GGA1: variants seen among roughly 807,000 people sequenced by gnomAD.
GGA1 encodes the protein ADP-ribosylation factor-binding protein GGA1.
GGA1 carries 18 observed loss-of-function variants against 76.9 expected under a neutral mutation model. That is an observed-to-expected ratio of 0.23 (90% CI 0.16 to 0.35). GGA1 has a LOEUF of 0.35. Among genes scored for constraint, GGA1 ranks in the 10% least tolerant of loss-of-function variants. The pLI is 1.00. For missense variants in GGA1, 755 were observed against 859.0 expected (o/e 0.88, Z 1.51); for synonymous variants, 342 against 354.7 (o/e 0.96, Z 0.40).
chr22:37,630,607 C>G (rs1480650435), intron 13 of GGA1: 1 of 479,114 alleles, frequency 2.1e-6, no homozygotes, highest in Non-Finnish European at 3.7e-6. Context: ...CACCCTGTCA[C>G]CCAGGCTGGA....
Position 37,623,318 on chromosome 22 carries a change from TG to T in GGA1, c.610-8del. 6.2e-7 allele frequency: 1 copy of T among 1,613,892 alleles called. No individual in the cohort carries two copies. Among genetic ancestry groups the T allele is most frequent in the Non-Finnish European group, 8.5e-7 (1 of 1,179,840 alleles). ...GGTTCTCAGGGGCCCTTGGCCAATG[TG>T]TCCCCAGGACCAGAAGCGGATGGAG... On this transcript the variant is annotated splice_region_variant and splice_polypyrimidine_tract_variant and intron_variant, in intron 7 of 16. Transcript: ENST00000343632. This position sits in a 1 kb window ranked among gnomAD's most constrained non-coding sequence, Gnocchi z 4.6.
At position 37,632,601 on chromosome 22, in the gene GGA1, G is replaced by A; in HGVS notation, c.1810G>A (p.Glu604Lys). ...QVLLLANPQKEKVRLRYKLTF... is the reference protein window; with the variant it reads ...QVLLLANPQKKKVRLRYKLTF... ...TCTGCCTTTGCCATCTCTTCCCCAG[G>A]AGAAGGTTCGCCTCCGCTACAAGCT... The change falls in exon 17 of 17, where the codon GAG becomes AAG. Residue 604 changes from glutamate (E) to lysine (K), a missense_variant and splice_region_variant. Glu to Lys is a moderately conservative substitution (Grantham distance 56). Transcript: ENST00000343632. The surrounding 1 kb of genome is among the most constrained non-coding windows in gnomAD (Gnocchi z 5.1). 6.2e-7 allele frequency: 1 copy of A among 1,610,296 alleles called. No homozygotes were observed. The highest frequency in any genetic ancestry group is 8.5e-7 in the Non-Finnish European group (1 of 1,176,644).
chr22:37,619,656 G>A (rs565465428), intron 4 of GGA1: 12 of 598,808 alleles, frequency 2.0e-5, no homozygotes, highest in South Asian at 1.0e-4. Flanking sequence ...GATTACAGGC[G>A]TGAGCCATGG....
rs1931541856 is a variant in GGA1 at position 37,630,140 on chromosome 22, C to T, written c.1301C>T (p.Ser434Leu). The T allele has an allele frequency of 1.9e-6, 3 of 1,595,778 alleles. No individual in the cohort carries two copies. In the South Asian group the frequency reaches 3.4e-5, roughly 18 times the overall value. Residue 434 changes from serine (S) to leucine (L), a missense_variant, in exon 13 of 17, where the codon TCG (serine) becomes TTG (leucine). Physicochemically the swap from Ser to Leu is moderately radical, Grantham distance 145 (BLOSUM62 -2). Coordinates refer to ENST00000343632, the MANE Select transcript of GGA1 (RefSeq NM_013365.5). Reference sequence around the variant, plus strand: ...CTGGGGAAGACCCTCCTGCAGCAGTCGCTGCCCCCGGAATCCCAGCAAGTG... The same window carrying T: ...CTGGGGAAGACCCTCCTGCAGCAGTTGCTGCCCCCGGAATCCCAGCAAGTG... The part of the protein sequence containing the change: ...DLLGKTLLQQ[S>L]LPPESQQVRW...
intron 1 of GGA1, among the ~76,000 whole-genome samples, chr22:37,611,377 C>T (rs564713547): frequency 6.6e-6 from 1 of 152,206 alleles, no homozygotes; most frequent in South Asian, 2.1e-4. Context: ...CAGAGAGCAG[C>T]CCCCACCTCC....
rs1211723534 is a variant in GGA1, at chr22:37,616,812, C to T, written c.129-110C>T. 3.0e-5 allele frequency: 41 copies of T among 1,359,978 alleles called. No homozygotes were observed. In the East Asian group the frequency reaches 9.1e-4, roughly 30 times the overall value. The allele number at this position is 1,359,978 out of a possible 1,614,324, so 84.2% of individuals were successfully genotyped here. ...CTGGGGTGGTGACCCTCCCCTAGGGCGACCAGGGCCCCTTGGAGGAGGGCT... is the reference window on the plus strand; with the variant it reads ...CTGGGGTGGTGACCCTCCCCTAGGGTGACCAGGGCCCCTTGGAGGAGGGCT... On this transcript the variant is annotated intron_variant, in intron 2 of 16. Coordinates refer to ENST00000343632, the MANE Select transcript of GGA1 (RefSeq NM_013365.5).
intron 11 of GGA1, chr22:37,626,223 A>G (rs1009406601): frequency 3.0e-6 from 1 of 335,190 alleles, no homozygotes; most frequent in Non-Finnish European, 5.4e-6. Flanking sequence ...CCTGGGGGGA[A>G]ACCAGGGGAT....
rs772453349 is a variant in GGA1 at position 37,629,990 on chromosome 22, C to T, written c.1159-8C>T. On this transcript the variant is annotated splice_polypyrimidine_tract_variant and splice_region_variant and intron_variant, in intron 12 of 16. Coordinates refer to ENST00000343632, the MANE Select transcript of GGA1 (RefSeq NM_013365.5). ...AGCCCCACCCCACCTGCATCCTTTT[C>T]CCCACAGTCGTCGGATGCCACTGAG... 41 of 1,539,138 alleles carry T rather than the reference C, an allele frequency of 2.7e-5. No homozygotes were observed. The highest frequency in any genetic ancestry group is 1.7e-4 in the Middle Eastern group (1 of 5,770).
rs754621584 is a variant in GGA1 at position 37,625,756 on chromosome 22, T to C, written c.941-41T>C. The C allele has an allele frequency of 9.3e-6, 14 of 1,498,290 alleles. No homozygotes were observed. The highest frequency in any genetic ancestry group is 1.2e-5 in the Non-Finnish European group (13 of 1,109,974). 92.8% of individuals were successfully genotyped at this position (1,498,290 alleles called of 1,614,324 possible). ...ACCCCTGTGGACTCTGAGAGACACG[T>C]GTACACCCAGGACTTGCCAGCCTCT... On this transcript the variant is annotated intron_variant, in intron 10 of 16. Transcript: ENST00000343632. This position sits in a 1 kb window ranked among gnomAD's most constrained non-coding sequence, Gnocchi z 4.1.
intron 6 of GGA1, 101 bp from the exon 7 acceptor site, chr22:37,621,515 C>G (rs778638954): frequency 4.2e-6 from 3 of 714,036 alleles, no homozygotes; most frequent in Non-Finnish European, 7.4e-6. Context: ...GTAACTTACT[C>G]AGGTCCCACA....
chr22:37,612,204 CCT>C (rs1435676331), intron 1 of GGA1, among the ~76,000 whole-genome samples: 4 of 151,722 alleles, frequency 2.6e-5, no homozygotes, highest in Non-Finnish European at 5.9e-5. Context: ...GTGGCTCACA[CCT>C]GTAATTCCAG....
chr22:37,624,904 G>GT lies in GGA1; in HGVS notation c.833-64dup. 6.5e-7 allele frequency: 1 copy of GT among 1,529,546 alleles called. No homozygotes were observed. The highest frequency in any genetic ancestry group is 2.0e-5 in the Admixed American group (1 of 50,472). 94.7% of individuals were successfully genotyped at this position (1,529,546 alleles called of 1,614,324 possible). On this transcript the variant is annotated intron_variant, in intron 9 of 16. Coordinates refer to ENST00000343632, the MANE Select transcript of GGA1 (RefSeq NM_013365.5). The surrounding 1 kb of genome is among the most constrained non-coding windows in gnomAD (Gnocchi z 4.3). ...AGGCTGTGATGGATGTGGGGTCCTC[G>GT]TCCCCTGCCGCCCAGAGGCCCCCAC...
At chr22:37,626,536 A>T (rs528262363) in intron 11 of GGA1, 2 of 152,392 alleles carry the variant, frequency 1.3e-5, no homozygotes, top group East Asian at 3.9e-4. Context: ...TCAGGGCAGC[A>T]GCCCCATCCG....
At chr22:37,609,172 C>T in intron 1 of GGA1, 2 of 1,428,596 alleles carry the variant, frequency 1.4e-6, no homozygotes, top group East Asian at 3.4e-5. Flanking sequence ...GCGCCGGGAA[C>T]CCCCGGGACG....
At position 37,632,341 on chromosome 22, in the gene GGA1, C is replaced by T. The variant is rs1295444187; in HGVS notation, c.1699-64C>T. On this transcript the variant is annotated intron_variant, in intron 15 of 16. Transcript: ENST00000343632. The surrounding 1 kb of genome is among the most constrained non-coding windows in gnomAD (Gnocchi z 5.1). ...CCGGAGGGGAGCTGGCAGGCTGGGCCTGGTTCCTCAGAGCAGGACAAGCAG... is the reference window on the plus strand; with the variant it reads ...CCGGAGGGGAGCTGGCAGGCTGGGCTTGGTTCCTCAGAGCAGGACAAGCAG... 1.4e-6 allele frequency: 2 copies of T among 1,391,300 alleles called. No homozygotes were observed. The highest frequency in any genetic ancestry group is 4.6e-5 in the East Asian group (2 of 43,776). The allele number at this position is 1,391,300 out of a possible 1,614,324, so 86.2% of individuals were successfully genotyped here.
chr22:37,632,686 C>T lies in GGA1; in HGVS notation c.1895C>T (p.Pro632Leu). The change falls in exon 17 of 17, where the codon CCA (proline) becomes CTA (leucine). Residue 632 changes from proline (P) to leucine (L), a missense_variant. Transcript: ENST00000343632. This position sits in a 1 kb window ranked among gnomAD's most constrained non-coding sequence, Gnocchi z 5.1. ...NEMGDVDQFPPPETWGSL is the reference protein window; with the variant it reads ...NEMGDVDQFPLPETWGSL ...ATGGGGGATGTGGACCAGTTCCCCCCACCTGAAACCTGGGGTAGCCTCTAG... is the reference window on the plus strand; with the variant it reads ...ATGGGGGATGTGGACCAGTTCCCCCTACCTGAAACCTGGGGTAGCCTCTAG... 1.9e-6 allele frequency: 3 copies of T among 1,605,108 alleles called. No individual in the cohort carries two copies. Among genetic ancestry groups the T allele is most frequent in the South Asian group, 1.1e-5 (1 of 90,540 alleles).
At chr22:37,610,792 A>G (rs1195856891) in intron 1 of GGA1, 1 of 152,186 alleles carries the variant, frequency 6.6e-6, no homozygotes, top group Non-Finnish European at 1.5e-5. Flanking sequence ...GTTCTCCCCA[A>G]CTGCCTGCTA....
In GGA1 at chr22:37,625,682, G is replaced by A. The variant is rs549203654; in HGVS notation, c.941-115G>A. On this transcript the variant is annotated intron_variant, in intron 10 of 16. Transcript: ENST00000343632. This position sits in a 1 kb window ranked among gnomAD's most constrained non-coding sequence, Gnocchi z 4.1. ...GGCTGGTGTGGCCAAGGAAGGGGAG[G>A]CAGGAGACCAGTGGTAAAGCATCGG... is the stretch of plus-strand genomic sequence containing the variant. The A allele has an allele frequency of 3.5e-5, 26 of 735,342 alleles. No homozygotes were observed. The Middle Eastern group carries it at 7.7e-4, about 22-fold the overall frequency. The allele number at this position is 735,342 out of a possible 1,614,324, so 45.6% of individuals were successfully genotyped here.
intron 2 of GGA1, among the ~76,000 whole-genome samples, chr22:37,615,322 G>T (rs1928563853): frequency 6.6e-6 from 1 of 152,088 alleles, no homozygotes; most frequent in Admixed American, 6.5e-5. Flanking sequence ...GGTGGTGCAT[G>T]CCTGTAATCC....
Sources: gnomAD v4.1 joint callset for allele counts (sites outside exome capture counted in the v4.1 genomes callset) on GRCh38, gnomAD v4.1.1 for gene constraint, Gnocchi (gnomAD v3.1) non-coding constraint, MANE v1.5 for transcripts, NCBI Gene and HGNC (gene_info 2026-07-23, HGNC 2026-07-21) for gene names.